The following AKAP6 variants were observed in gnomAD, a reference collection of about 807,000 sequenced individuals.
AKAP6 encodes A-kinase anchor protein 6.
AKAP6 carries 58 observed loss-of-function variants against 188.5 expected under a neutral mutation model. The observed-to-expected ratio is 0.31, with a 90% confidence interval of 0.25 to 0.38. The LOEUF is 0.38. Ranked by LOEUF, AKAP6 falls within the 10% of genes least tolerant of loss-of-function variation. The probability of loss-of-function intolerance (pLI) is 1.00; values close to 1 mark genes in which losing one functional copy is unlikely to be tolerated. For missense variants in AKAP6, 2,710 were observed against 2,740.0 expected (o/e 0.99, Z 0.24); for synonymous variants, 989 against 998.6 (o/e 0.99, Z 0.18).
At chr14:32,475,854 AT>A (rs1191135359) in intron 2 of AKAP6, among the ~76,000 whole-genome samples, 22 of 145,224 alleles carry the variant, frequency 1.5e-4, no homozygotes, top group East Asian at 1.0e-3. Flanking sequence ...ATTTTTTTGT[AT>A]TTTTTTTTTA....
intron 11 of AKAP6, among the ~76,000 whole-genome samples, chr14:32,752,445 C>T: frequency 6.6e-6 from 1 of 152,130 alleles, no homozygotes; most frequent in African/African-American, 2.4e-5. Flanking sequence ...GGGACAATTA[C>T]AGTGAGAGGG....
intron 2 of AKAP6, among the ~76,000 whole-genome samples, chr14:32,485,899 T>G (rs1879659026): frequency 6.6e-6 from 1 of 152,170 alleles, no homozygotes; most frequent in South Asian, 2.1e-4. Context: ...CATGCCTATG[T>G]CCTGAATGGT....
At chr14:32,773,457 C>T (rs2032958270) in intron 11 of AKAP6, among the ~76,000 whole-genome samples, 1 of 152,122 alleles carries the variant, frequency 6.6e-6, no homozygotes, top group South Asian at 2.1e-4. Context: ...AGGGATAAAT[C>T]AGTGAAAAGT....
At chr14:32,782,183 A>G (rs866809949) in intron 12 of AKAP6, among the ~76,000 whole-genome samples, 2 of 121,424 alleles carry the variant, frequency 1.6e-5, no homozygotes, top group African/African-American at 6.7e-5. Context: ...GAAAGAAAGG[A>G]AGGGAGGGAG....
rs543768613 is a variant in AKAP6 at position 32,620,949 on chromosome 14, A to C, written c.2730+20157A>C. ...TCCTCTAGATTTTTTAGTTGTGTGC[A>C]TAGAGTTATTCATAGTAGTCTGGAA... On this transcript the variant is annotated intron_variant, in intron 7 of 13. Transcript: ENST00000280979. Among the ~76,000 whole-genome samples the C allele has an allele frequency of 2.0e-5, 3 of 151,934 alleles. No homozygotes were observed. In the East Asian group the frequency reaches 5.8e-4, roughly 29 times the overall value.
chr14:32,689,530 T>G (rs1369911386), intron 8 of AKAP6, among the ~76,000 whole-genome samples: 1 of 152,190 alleles, frequency 6.6e-6, no homozygotes, highest in African/African-American at 2.4e-5. Context: ...CAGGCTGCTT[T>G]TCTCATGAGG....
intron 1 of AKAP6, among the ~76,000 whole-genome samples, chr14:32,352,115 GT>G (rs1887305171): frequency 6.6e-6 from 1 of 150,392 alleles, no homozygotes; most frequent in East Asian, 2.0e-4. Flanking sequence ...GTGTGTGTGT[GT>G]GTGTGTGTGT....
At chr14:32,644,319 A>C (rs761091129) in intron 7 of AKAP6, among the ~76,000 whole-genome samples, 4 of 152,120 alleles carry the variant, frequency 2.6e-5, no homozygotes, top group Non-Finnish European at 4.4e-5. Context: ...GAGAAGTGAC[A>C]TTTTCTGTGA....
chr14:32,374,915 A>T (rs1283572640), intron 1 of AKAP6, among the ~76,000 whole-genome samples: 1 of 152,206 alleles, frequency 6.6e-6, no homozygotes. Flanking sequence ...AAGGTATTTG[A>T]TAGAAAAATT....
At chr14:32,796,898 A>G (rs1283005487) in intron 12 of AKAP6, among the ~76,000 whole-genome samples, 1 of 152,234 alleles carries the variant, frequency 6.6e-6, no homozygotes, top group Non-Finnish European at 1.5e-5. Context: ...CAATCTATCC[A>G]TCTGACAAAG....
intron 1 of AKAP6, among the ~76,000 whole-genome samples, chr14:32,352,098 TGTGTTTGTG>T (rs1887298090): frequency 1.8e-5 from 2 of 114,020 alleles, no homozygotes; most frequent in African/African-American, 4.1e-5. Flanking sequence ...TGTGTGTGTG[TGTGTTTGTG>T]TGTGTGTGTG....
intron 9 of AKAP6, among the ~76,000 whole-genome samples, chr14:32,697,054 A>G (rs780530550): frequency 5.3e-5 from 8 of 152,168 alleles, no homozygotes; most frequent in Non-Finnish European, 1.0e-4. Flanking sequence ...AGAAACAACT[A>G]CCTTCTAGTT....
intron 2 of AKAP6, among the ~76,000 whole-genome samples, chr14:32,467,041 C>A (rs1878498660): frequency 6.6e-6 from 1 of 151,108 alleles, no homozygotes; most frequent in East Asian, 1.9e-4. Context: ...ACACCAGAGC[C>A]TACTTGAGGT....
In AKAP6 at chr14:32,824,160, C is replaced by T. The variant is rs1050625980; in HGVS notation, c.6347C>T (p.Ser2116Leu). ...GACTTTTATTCGTACTTATCTCTCT[C>T]ATCTCATGACAGTGATTGTGGGGAG... ...KGDFYSYLSLSSHDSDCGEVT... is the reference protein window; with the variant it reads ...KGDFYSYLSLLSHDSDCGEVT... Residue 2116 changes from serine (S) to leucine (L), a missense_variant, in exon 13 of 14, where the codon TCA (serine) becomes TTA (leucine). By Grantham distance (145) the Ser-to-Leu change is moderately radical (BLOSUM62 -2). This residue lies in a region of AKAP6 where 2,473 missense variants were observed against 2,426.1 expected (regional missense o/e 1.02). Coordinates refer to ENST00000280979, the MANE Select transcript of AKAP6 (RefSeq NM_004274.5). The T allele has an allele frequency of 1.2e-6, 2 of 1,613,972 alleles. No individual in the cohort carries two copies. Among genetic ancestry groups the T allele is most frequent in the Non-Finnish European group, 1.7e-6 (2 of 1,179,930 alleles).
chr14:32,365,347 G>A (rs1377410434), intron 1 of AKAP6, among the ~76,000 whole-genome samples: 1 of 151,434 alleles, frequency 6.6e-6, no homozygotes, highest in Admixed American at 6.5e-5. Flanking sequence ...GTGTCTTTAT[G>A]CTGGGTCTCT....
chr14:32,678,269 T>G, intron 7 of AKAP6, 42 bp from the exon 8 acceptor site: 1 of 1,579,774 alleles, frequency 6.3e-7, no homozygotes, highest in Non-Finnish European at 8.6e-7. Flanking sequence ...AATGCATTCC[T>G]TCTGGATTAA....
chr14:32,601,732 G>C (rs1279999646), intron 7 of AKAP6, among the ~76,000 whole-genome samples: 2 of 152,146 alleles, frequency 1.3e-5, no homozygotes, highest in African/African-American at 4.8e-5. Flanking sequence ...CATTTATTCA[G>C]CATCCATGTA....
At position 32,546,239 on chromosome 14, in the gene AKAP6, T is replaced by C. The variant is rs745328683; in HGVS notation, c.1586T>C (p.Val529Ala). 1 of 1,614,132 alleles carries C rather than the reference T, an allele frequency of 6.2e-7. No homozygotes were observed. Among genetic ancestry groups the C allele is most frequent in the Non-Finnish European group, 8.5e-7 (1 of 1,180,016 alleles). ...GCTAAAAATACAAAGAGCTCAGCAG[T>C]GCCAAATGGAGAGCTTTCTTATACT... ...KQAKNTKSSA[V>A]PNGELSYTSK... The change falls in exon 4 of 14, where the codon GTG (valine) becomes GCG (alanine). Residue 529 changes from valine (V) to alanine (A), a missense_variant. Physicochemically the swap from Val to Ala is moderately conservative, Grantham distance 64. Transcript: ENST00000280979.
chr14:32,615,164 T>C (rs79017675), intron 7 of AKAP6, among the ~76,000 whole-genome samples: 25,380 of 64,600 alleles, frequency 0.39, 3,854 homozygotes, highest in East Asian at 0.7. Context: ...CAAGACTCTG[T>C]CTCAAAAAAA....
Sources: allele counts gnomAD v4.1 joint callset (sites outside exome capture counted in the v4.1 genomes callset), GRCh38; gene constraint gnomAD v4.1.1; regional missense constraint gnomAD v4.1.1; transcripts MANE v1.5; gene names NCBI Gene and HGNC (gene_info 2026-07-23, HGNC 2026-07-21).